The following WSCD2 variants were observed in gnomAD, a reference collection of about 807,000 sequenced individuals.
WSCD2 encodes WSC domain sialate O sulfotransferase 2, also known as sialate:O-sulfotransferase 2.
WSCD2 carries 28 observed loss-of-function variants against 55.7 expected under a neutral mutation model. The ratio of observed to expected loss-of-function variants is 0.50; its 90% CI spans 0.37 to 0.69. The LOEUF is 0.69. Among genes scored for constraint, WSCD2 ranks in the 30% least tolerant of loss-of-function variants. WSCD2 has a pLI of 0.00. For synonymous variants in WSCD2, 301 were observed against 301.9 expected, an observed-to-expected ratio of 1.00 and a Z score of 0.03; for missense variants, 616 against 762.1, an observed-to-expected ratio of 0.81 and a Z score of 2.26.
chr12:108,140,872 G>T (rs1310910035), intron 1 of WSCD2, among the ~76,000 whole-genome samples: 1 of 152,248 alleles, frequency 6.6e-6, no homozygotes, highest in Non-Finnish European at 1.5e-5. Flanking sequence ...CATCGTGGCA[G>T]AGCTGGGACT....
At position 108,174,662 on chromosome 12, in the gene WSCD2, T is replaced by C. The variant is rs140927904; in HGVS notation, c.-551-20620T>C. Among the ~76,000 whole-genome samples the C allele has an allele frequency of 5.4e-3, 823 of 152,328 alleles. 3 individuals carry two copies. Among genetic ancestry groups the C allele is most frequent in the African/African-American group, 0.019 (784 of 41,560 alleles). ...TAGGGTCTTTCTCTGTTGCCCAGGC[T>C]CGAGTGCAGTGGCACAAGCATAGCT... On this transcript the variant is annotated intron_variant, in intron 1 of 8. Coordinates refer to ENST00000547525, the MANE Select transcript of WSCD2 (RefSeq NM_014653.4).
chr12:108,246,686 C>A (rs189494208), intron 8 of WSCD2, among the ~76,000 whole-genome samples: 324 of 152,282 alleles, frequency 2.1e-3, no homozygotes, highest in African/African-American at 6.8e-3. Context: ...CCTGTCATTT[C>A]ACCATGACAC....
intron 1 of WSCD2, among the ~76,000 whole-genome samples, chr12:108,171,313 A>G (rs936997054): frequency 2.4e-5 from 3 of 125,780 alleles, no homozygotes; most frequent in African/African-American, 9.0e-5. Flanking sequence ...TTCCAGGGTC[A>G]TGGATGGAGG....
chr12:108,191,046 T>C (rs961011280), intron 1 of WSCD2, among the ~76,000 whole-genome samples: 18 of 152,148 alleles, frequency 1.2e-4, no homozygotes, highest in African/African-American at 4.3e-4. Context: ...GGAGGGGATA[T>C]TAATACAATT....
At chr12:108,167,135 T>A (rs2136957828) in intron 1 of WSCD2, among the ~76,000 whole-genome samples, 1 of 152,280 alleles carries the variant, frequency 6.6e-6, no homozygotes, top group Admixed American at 6.5e-5. Flanking sequence ...TTTTAGGGGA[T>A]GCCACTTCTC....
intron 1 of WSCD2, among the ~76,000 whole-genome samples, chr12:108,146,709 G>C (rs532075172): frequency 6.6e-6 from 1 of 152,184 alleles, no homozygotes; most frequent in African/African-American, 2.4e-5. Context: ...AGGAGAACTA[G>C]GTCTTTGGAC....
chr12:108,147,643 G>A (rs1877540001), intron 1 of WSCD2, among the ~76,000 whole-genome samples: 1 of 152,104 alleles, frequency 6.6e-6, no homozygotes, highest in African/African-American at 2.4e-5. Context: ...TTGGGAGGCT[G>A]AGGCAGGCTA....
intron 6 of WSCD2, among the ~76,000 whole-genome samples, chr12:108,229,511 CATT>C (rs1888504001): frequency 6.6e-6 from 1 of 152,150 alleles, no homozygotes; most frequent in Admixed American, 6.5e-5. Context: ...AATTCACACT[CATT>C]ATCCCACATA....
intron 4 of WSCD2, among the ~76,000 whole-genome samples, chr12:108,211,129 T>G (rs1886090369): frequency 6.6e-6 from 1 of 152,244 alleles, no homozygotes; most frequent in South Asian, 2.1e-4. Context: ...TTCAGGTAAT[T>G]ACTGTTGTTC....
At chr12:108,223,711 T>C (rs553380492) in intron 4 of WSCD2, among the ~76,000 whole-genome samples, 69 of 152,166 alleles carry the variant, frequency 4.5e-4, no homozygotes, top group African/African-American at 1.5e-3. Flanking sequence ...CTCTGAAAAA[T>C]AGCCTTGGGC....
intron 1 of WSCD2, among the ~76,000 whole-genome samples, chr12:108,166,430 T>G (rs1214936042): frequency 6.6e-6 from 1 of 152,248 alleles, no homozygotes; most frequent in Non-Finnish European, 1.5e-5. Context: ...AGCAAAATCC[T>G]CTGTTGGCTT....
At chr12:108,229,949 T>C (rs147851156) in intron 6 of WSCD2, among the ~76,000 whole-genome samples, 500 of 152,340 alleles carry the variant, frequency 3.3e-3, no homozygotes, top group African/African-American at 0.011. Context: ...CATAGAATTT[T>C]GTGACATACA....
chr12:108,197,906 G>T (rs1470731258), intron 2 of WSCD2, among the ~76,000 whole-genome samples: 1 of 149,832 alleles, frequency 6.7e-6, no homozygotes, highest in Non-Finnish European at 1.5e-5. Context: ...TCTATCCCAA[G>T]ATCTCTGTAT....
chr12:108,230,084 G>T (rs915058301), intron 6 of WSCD2, among the ~76,000 whole-genome samples: 3 of 152,062 alleles, frequency 2.0e-5, no homozygotes, highest in African/African-American at 7.2e-5. Flanking sequence ...GTTGTCATTG[G>T]TTATATAATT....
chr12:108,237,421 T>G (rs1325321759), intron 7 of WSCD2, among the ~76,000 whole-genome samples: 1 of 152,238 alleles, frequency 6.6e-6, no homozygotes, highest in East Asian at 1.9e-4. Context: ...AGATAGGATT[T>G]AAATATATCA....
chr12:108,160,007 C>T (rs532004467), intron 1 of WSCD2, among the ~76,000 whole-genome samples: 176 of 152,262 alleles, frequency 1.2e-3, no homozygotes, highest in Non-Finnish European at 2.1e-3. Context: ...ATATTAGACA[C>T]GGTATGATAG....
In WSCD2 at chr12:108,193,596, AATGGATGG is replaced by A. The variant is rs150789288; in HGVS notation, c.-551-1671_-551-1664del. 2.9e-3 allele frequency among the ~76,000 whole-genome samples: 432 copies of A among 150,722 alleles called. 3 individuals are homozygous for A. Among genetic ancestry groups the A allele is most frequent in the African/African-American group, 9.7e-3 (398 of 41,068 alleles). On this transcript the variant is annotated intron_variant, in intron 1 of 8. Transcript: ENST00000547525. ...TGGGTAGGTGAACTGCCGGAAGGCA[AATGGATGG>A]ATGGATGGATGGATAGATGGATGGA... is the stretch of plus-strand genomic sequence containing the variant.
intron 1 of WSCD2, among the ~76,000 whole-genome samples, chr12:108,135,494 A>C (rs540937508): frequency 6.6e-6 from 1 of 152,352 alleles, no homozygotes; most frequent in East Asian, 1.9e-4. Flanking sequence ...AAGCCATAAT[A>C]AACAATAACT....
chr12:108,207,242 A>G (rs1438221997), intron 3 of WSCD2, among the ~76,000 whole-genome samples: 3 of 152,110 alleles, frequency 2.0e-5, no homozygotes, highest in Non-Finnish European at 4.4e-5. Context: ...AGGCTCTAAT[A>G]TGCTCACCTT....
Sources: gnomAD v4.1 joint callset for allele counts (sites outside exome capture counted in the v4.1 genomes callset) on GRCh38, gnomAD v4.1.1 for gene constraint, MANE v1.5 for transcripts, NCBI Gene and HGNC (gene_info 2026-07-23, HGNC 2026-07-21) for gene names.